Variants in ANKS1B observed in about 807,000 individuals in gnomAD.
ANKS1B encodes the protein ankyrin repeat and sterile alpha motif domain-containing protein 1B.
Under a neutral mutation model 148.3 loss-of-function variants are expected in ANKS1B, and 36 were observed. That is an observed-to-expected ratio of 0.24 (90% confidence interval 0.19 to 0.32). The LOEUF (loss-of-function observed/expected upper bound fraction) is 0.32. ANKS1B is among the 10% of genes least tolerant of loss of function. The probability of loss-of-function intolerance (pLI) is 1.00; values close to 1 mark genes in which losing one functional copy is unlikely to be tolerated. For missense variants in ANKS1B, 1,157 were observed against 1,542.6 expected (o/e 0.75, Z 4.19); for synonymous variants, 542 against 560.8 (o/e 0.97, Z 0.47).
intron 21 of ANKS1B, 97 bp downstream of exon 21, chr12:98,800,900 T>C: frequency 7.2e-7 from 1 of 1,389,646 alleles, no homozygotes; most frequent in Non-Finnish European, 9.7e-7. Context: ...GTGATGGATA[T>C]GGATATTTTG....
intron 8 of ANKS1B, 109 bp from the exon 9 acceptor site, chr12:99,655,319 G>A: frequency 2.0e-6 from 2 of 1,006,176 alleles, no homozygotes; most frequent in Non-Finnish European, 2.8e-6. Context: ...AAACAAGTCA[G>A]CTCACTTTTA....
chr12:98,880,803 CA>C (rs765254304), intron 17 of ANKS1B, among the ~76,000 whole-genome samples: 19 of 151,402 alleles, frequency 1.3e-4, no homozygotes, highest in Admixed American at 1.1e-3. Context: ...AAAAATAAAA[CA>C]ACAACAACAA....
intron 17 of ANKS1B, among the ~76,000 whole-genome samples, chr12:98,960,125 A>G (rs1568027437): frequency 6.6e-6 from 1 of 152,168 alleles, no homozygotes; most frequent in Non-Finnish European, 1.5e-5. Context: ...CCCTAGGGCT[A>G]TGAGCAAAGA....
rs149779365 is a variant in ANKS1B at position 99,639,227 on chromosome 12, T to A, written c.1272+15840A>T. ...TTGGATTTCAGACTTGCACGGGGCC[T>A]GTAGCCCCTTTGTTTTGGCCAATTT... On this transcript the variant is annotated intron_variant, in intron 9 of 26. Transcript: ENST00000683438. 9.8e-3 allele frequency among the ~76,000 whole-genome samples: 1,490 copies of A among 152,346 alleles called. 28 individuals are homozygous for A. The highest frequency in any genetic ancestry group is 0.034 in the African/African-American group (1,426 of 41,580).
chr12:99,771,631 A>C (rs906149568), intron 8 of ANKS1B, among the ~76,000 whole-genome samples: 6 of 152,104 alleles, frequency 3.9e-5, no homozygotes, highest in Non-Finnish European at 7.4e-5. Context: ...ATTATAAATT[A>C]TTTCATTAAT....
In ANKS1B at chr12:99,322,639, C is replaced by T. The variant is rs1024339322; in HGVS notation, c.1757-75775G>A. ...ACCTCGCTATTCCATGCTATGAGAA[C>T]CCTATGATTCAGTTATATCAAATGA... On this transcript the variant is annotated intron_variant, in intron 12 of 26. Transcript: ENST00000683438. Among the ~76,000 whole-genome samples, 3 of 152,164 alleles carry T rather than the reference C, an allele frequency of 2.0e-5. No homozygotes were observed. In the South Asian group the frequency reaches 6.2e-4, roughly 32 times the overall value.
At position 98,758,288 on chromosome 12, in the gene ANKS1B, G is replaced by A. The variant is rs78797943; in HGVS notation, c.3580-6766C>T. ...AACTTGCTCATGAAGTCAGCACCCA[G>A]ACAAACTGGGATTTGAATCCAGTTG... On this transcript the variant is annotated intron_variant, in intron 25 of 26. Transcript: ENST00000683438. Among the ~76,000 whole-genome samples the A allele has an allele frequency of 7.0e-3, 1,063 of 152,212 alleles. 13 individuals carry two copies. Among genetic ancestry groups the A allele is most frequent in the African/African-American group, 0.022 (906 of 41,510 alleles).
intron 15 of ANKS1B, among the ~76,000 whole-genome samples, chr12:99,118,398 T>C (rs2061919847): frequency 6.6e-6 from 1 of 152,230 alleles, no homozygotes; most frequent in Non-Finnish European, 1.5e-5. Flanking sequence ...AGGAATGGAA[T>C]TGGTTACACT....
At chr12:99,065,258 T>C (rs1482156106) in intron 16 of ANKS1B, among the ~76,000 whole-genome samples, 3 of 152,228 alleles carry the variant, frequency 2.0e-5, no homozygotes, top group East Asian at 1.9e-4. Flanking sequence ...AGGAATATCA[T>C]TTGCATACTT....
intron 8 of ANKS1B, among the ~76,000 whole-genome samples, chr12:99,690,737 G>A (rs1445867229): frequency 6.6e-6 from 1 of 152,184 alleles, no homozygotes; most frequent in Non-Finnish European, 1.5e-5. Flanking sequence ...TCCACAGGCT[G>A]GTGTTGAGTG....
exon 10 of ANKS1B, chr12:98,735,045 T>C: frequency 2.5e-6 from 1 of 392,984 alleles, no homozygotes; most frequent in Non-Finnish European, 4.5e-6. Flanking sequence ...CCCTGGAGTT[T>C]GAGTCCAGCC....
chr12:99,778,412 G>A (rs973161342), intron 6 of ANKS1B, among the ~76,000 whole-genome samples: 5 of 151,550 alleles, frequency 3.3e-5, no homozygotes, highest in African/African-American at 1.2e-4. Flanking sequence ...GGAGACTGAG[G>A]CAGGAGAATC....
chr12:99,265,809 T>C (rs781562898), intron 12 of ANKS1B, among the ~76,000 whole-genome samples: 2 of 152,160 alleles, frequency 1.3e-5, no homozygotes, highest in Non-Finnish European at 2.9e-5. Context: ...TGTATTTCTT[T>C]ACTTCGTGCT....
chr12:99,440,777 A>G (rs1371733824), intron 11 of ANKS1B, among the ~76,000 whole-genome samples: 1 of 151,904 alleles, frequency 6.6e-6, no homozygotes, highest in Non-Finnish European at 1.5e-5. Context: ...CCTTCGTTAC[A>G]ATGGATGCTC....
Position 98,828,556 on chromosome 12 carries a change from C to T in ANKS1B, c.3066+618G>A, listed in dbSNP as rs144890256. On this transcript the variant is annotated intron_variant, in intron 19 of 26. Coordinates refer to ENST00000683438, the MANE Select transcript of ANKS1B (RefSeq NM_001352186.2). ...GTACATTAAGAACAGCGCCACTGTT[C>T]GGTTAAGGCTGACTCAAGTTTCTAA... Among the ~76,000 whole-genome samples the T allele has an allele frequency of 4.5e-4, 69 of 152,334 alleles. No homozygotes were observed. In the East Asian group the frequency reaches 9.1e-3, roughly 20 times the overall value.
chr12:99,156,608 G>A (rs945037347), intron 14 of ANKS1B, among the ~76,000 whole-genome samples: 1 of 152,132 alleles, frequency 6.6e-6, no homozygotes, highest in African/African-American at 2.4e-5. Flanking sequence ...ATGGGCTTTG[G>A]TTGGTTTTAT....
At chr12:99,197,361 T>G (rs937758445) in intron 14 of ANKS1B, among the ~76,000 whole-genome samples, 11 of 152,130 alleles carry the variant, frequency 7.2e-5, no homozygotes, top group African/African-American at 2.7e-4. Context: ...CTTTCGCCAT[T>G]CCCTCCCAAG....
intron 15 of ANKS1B, among the ~76,000 whole-genome samples, chr12:99,127,120 A>C (rs568300713): frequency 9.8e-5 from 15 of 152,318 alleles, no homozygotes; most frequent in African/African-American, 3.6e-4. Context: ...AGGCATCCTC[A>C]GTAAGCCCAC....
chr12:99,040,330 C>T (rs1047675536), intron 17 of ANKS1B, among the ~76,000 whole-genome samples: 5 of 151,984 alleles, frequency 3.3e-5, no homozygotes, highest in Middle Eastern at 3.4e-3. Flanking sequence ...TATACCAGCA[C>T]GCCTCATAAG....
Sources: gnomAD v4.1 joint callset for allele counts (sites outside exome capture counted in the v4.1 genomes callset) on GRCh38, gnomAD v4.1.1 for gene constraint, MANE v1.5 for transcripts, NCBI Gene and HGNC (gene_info 2026-07-23, HGNC 2026-07-21) for gene names.